EDIL3: variants seen among roughly 807,000 people sequenced by gnomAD.
EDIL3 encodes the protein EGF like and discoidin domains 3, also known as EGF-like repeat and discoidin I-like domain-containing protein 3.
A neutral mutation model predicts 67.4 loss-of-function variants in EDIL3; 37 were observed. That is an observed-to-expected ratio of 0.55 (90% CI 0.42 to 0.72). The LOEUF (loss-of-function observed/expected upper bound fraction) is 0.72, where lower values mean the gene tolerates loss of function less well. EDIL3 is among the 30% of genes least tolerant of loss of function. The pLI, the probability that EDIL3 is intolerant of heterozygous loss-of-function variation, is 0.00. For missense variants in EDIL3, 527 were observed against 586.3 expected, an observed-to-expected ratio of 0.90 and a Z score of 1.04; for synonymous variants, 195 against 196.3, an observed-to-expected ratio of 0.99 and a Z score of 0.05.
chr5:84,350,399 C>T (rs904826241), intron 1 of EDIL3, among the ~76,000 whole-genome samples: 4 of 151,850 alleles, frequency 2.6e-5, no homozygotes, highest in Admixed American at 1.3e-4. Flanking sequence ...CTAGTAGTCA[C>T]TTTAGATGGG....
intron 4 of EDIL3, among the ~76,000 whole-genome samples, chr5:84,171,110 G>A (rs187068458): frequency 3.3e-5 from 5 of 152,056 alleles, no homozygotes; most frequent in African/African-American, 1.2e-4. Flanking sequence ...AGTTCTAGAA[G>A]TTCAGGCCTA....
At chr5:84,242,064 C>CAAAA (rs397702402) in intron 2 of EDIL3, among the ~76,000 whole-genome samples, 41 of 122,308 alleles carry the variant, frequency 3.4e-4, no homozygotes, top group African/African-American at 1.2e-3. Flanking sequence ...ACTAAAAGTA[C>CAAAA]AAAAAAAAAA....
chr5:84,175,149 T>TG (rs897579925), intron 4 of EDIL3, among the ~76,000 whole-genome samples: 139 of 152,314 alleles, frequency 9.1e-4, no homozygotes, highest in African/African-American at 3.1e-3. Flanking sequence ...TGCCTGGTTC[T>TG]GGGTCTCTTT....
chr5:84,160,819 C>CCTTTTCCTTTT (rs1258829510), intron 4 of EDIL3, among the ~76,000 whole-genome samples: 7 of 69,128 alleles, frequency 1.0e-4, no homozygotes, highest in African/African-American at 4.4e-4. Context: ...CCTTTCCTTT[C>CCTTTTCCTTTT]CCTTTCCTTT....
chr5:84,088,083 T>C (rs1747103168), intron 6 of EDIL3, among the ~76,000 whole-genome samples: 1 of 152,186 alleles, frequency 6.6e-6, no homozygotes, highest in Non-Finnish European at 1.5e-5. Context: ...GTCCACAGAA[T>C]GAAGTAGAAA....
chr5:84,159,489 AT>A (rs1007184596), intron 4 of EDIL3, among the ~76,000 whole-genome samples: 2 of 152,046 alleles, frequency 1.3e-5, no homozygotes, highest in Non-Finnish European at 2.9e-5. Context: ...ATTGTTAAGT[AT>A]ATTTTTTTCA....
intron 9 of EDIL3, among the ~76,000 whole-genome samples, chr5:84,053,521 C>T (rs1297545393): frequency 6.6e-6 from 1 of 152,048 alleles, no homozygotes; most frequent in Non-Finnish European, 1.5e-5. Context: ...AATCCAGGAG[C>T]TGGTTTTTTG....
chr5:84,339,400 A>T (rs1747052841), intron 1 of EDIL3, among the ~76,000 whole-genome samples: 1 of 152,112 alleles, frequency 6.6e-6, no homozygotes, highest in Non-Finnish European at 1.5e-5. Flanking sequence ...AAATATACTT[A>T]CTTTTATCTC....
chr5:84,314,485 G>C (rs1746469888), intron 1 of EDIL3, among the ~76,000 whole-genome samples: 1 of 152,064 alleles, frequency 6.6e-6, no homozygotes, highest in Non-Finnish European at 1.5e-5. Context: ...GTCTATTTTA[G>C]GCTATGGAGA....
intron 4 of EDIL3, among the ~76,000 whole-genome samples, chr5:84,170,543 A>C (rs963800047): frequency 6.6e-6 from 1 of 152,180 alleles, no homozygotes; most frequent in African/African-American, 2.4e-5. Context: ...CAAATGGATA[A>C]ATAAATAAGT....
chr5:84,008,974 G>A (rs1418578057), intron 9 of EDIL3, among the ~76,000 whole-genome samples: 1 of 151,942 alleles, frequency 6.6e-6, no homozygotes, highest in Non-Finnish European at 1.5e-5. Flanking sequence ...CACCACATCT[G>A]GCTAATTTTG....
At position 84,214,740 on chromosome 5, in the gene EDIL3, C is replaced by T. The variant is rs190491880; in HGVS notation, c.226+15115G>A. On this transcript the variant is annotated intron_variant, in intron 3 of 10. Coordinates refer to ENST00000296591, the MANE Select transcript of EDIL3 (RefSeq NM_005711.5). ...TGTGGTTTGTTTTTTTTTTTAGAGACAGAGTCTTGCTATGTCACCCAGGCT... is the reference window on the plus strand; with the variant it reads ...TGTGGTTTGTTTTTTTTTTTAGAGATAGAGTCTTGCTATGTCACCCAGGCT... Among the ~76,000 whole-genome samples the T allele has an allele frequency of 9.1e-4, 137 of 151,182 alleles. 1 individual carries two copies. The highest frequency in any genetic ancestry group is 3.3e-3 in the African/African-American group (135 of 41,192).
chr5:84,219,443 G>C (rs1301934928), intron 3 of EDIL3, among the ~76,000 whole-genome samples: 2 of 152,056 alleles, frequency 1.3e-5, no homozygotes, highest in Non-Finnish European at 1.5e-5. Flanking sequence ...ACAAAATATA[G>C]GCAATATTAT....
At chr5:84,256,148 C>CATCT (rs1554038573) in intron 1 of EDIL3, among the ~76,000 whole-genome samples, 22,456 of 146,420 alleles carry the variant, frequency 0.15, 1,859 homozygotes, top group African/African-American at 0.21. Flanking sequence ...ATCTATCTAT[C>CATCT]ATCTATCTAT....
At chr5:84,128,089 AACCATT>A (rs958066669) in intron 5 of EDIL3, among the ~76,000 whole-genome samples, 1 of 152,164 alleles carries the variant, frequency 6.6e-6, no homozygotes, top group Admixed American at 6.6e-5. Context: ...TGCTGCTGGA[AACCATT>A]ACTTCCAAGT....
intron 9 of EDIL3, among the ~76,000 whole-genome samples, chr5:83,992,596 T>C (rs982035322): frequency 1.3e-5 from 2 of 152,174 alleles, no homozygotes; most frequent in African/African-American, 4.8e-5. Flanking sequence ...CTTATTATCA[T>C]ATTATTAAAA....
intron 1 of EDIL3, among the ~76,000 whole-genome samples, chr5:84,324,391 C>G (rs529099168): frequency 6.6e-6 from 1 of 151,814 alleles, no homozygotes; most frequent in East Asian, 1.9e-4. Flanking sequence ...AATCACACAT[C>G]AAAATTTGGG....
At chr5:84,348,086 A>G (rs1747269972) in intron 1 of EDIL3, among the ~76,000 whole-genome samples, 1 of 152,220 alleles carries the variant, frequency 6.6e-6, no homozygotes, top group Admixed American at 6.5e-5. Context: ...GAAAGGAAAC[A>G]CAGTCAGTAA....
In EDIL3 at chr5:84,021,921, C is replaced by A. The variant is rs1018643103; in HGVS notation, c.1137+38379G>T. On this transcript the variant is annotated intron_variant, in intron 9 of 10. Coordinates refer to ENST00000296591, the MANE Select transcript of EDIL3 (RefSeq NM_005711.5). ...GAACCAGTAATAAAAAGTCTCCCAA[C>A]AACAAAAAGCCCAGGATTAGATGAA... Among the ~76,000 whole-genome samples the A allele has an allele frequency of 5.3e-5, 8 of 151,816 alleles. No homozygotes were observed. In the East Asian group the frequency reaches 9.7e-4, roughly 18 times the overall value.
Sources: gnomAD v4.1 joint callset for allele counts (sites outside exome capture counted in the v4.1 genomes callset) on GRCh38, gnomAD v4.1.1 for gene constraint, MANE v1.5 for transcripts, NCBI Gene and HGNC (gene_info 2026-07-23, HGNC 2026-07-21) for gene names.